LRRC4C: variants seen among roughly 807,000 people sequenced by gnomAD.
The protein encoded by LRRC4C is leucine-rich repeat-containing protein 4C.
LRRC4C carries 5 observed loss-of-function variants against 33.6 expected under a neutral mutation model. The observed-to-expected ratio is 0.15, with a 90% CI of 0.08 to 0.31. The LOEUF (loss-of-function observed/expected upper bound fraction) is 0.31. Ranked by LOEUF, LRRC4C falls within the 10% of genes least tolerant of loss-of-function variation. The probability of loss-of-function intolerance (pLI) is 1.00; values close to 1 mark genes in which losing one functional copy is unlikely to be tolerated. For synonymous variants in LRRC4C, 329 were observed against 302.0 expected (o/e 1.09, Z -0.93); for missense variants, 560 against 796.7 (o/e 0.70, Z 3.58).
At chr11:41,151,340 T>C (rs1190919688) in intron 1 of LRRC4C, among the ~76,000 whole-genome samples, 32 of 152,082 alleles carry the variant, frequency 2.1e-4, no homozygotes, top group Non-Finnish European at 5.9e-5. Context: ...AGGCATGCAG[T>C]TTTTAGGTGG....
At chr11:41,299,234 C>T (rs1950221856) in intron 1 of LRRC4C, among the ~76,000 whole-genome samples, 1 of 152,024 alleles carries the variant, frequency 6.6e-6, no homozygotes, top group Non-Finnish European at 1.5e-5. Context: ...TTTTTATTCT[C>T]TCAGAACCAC....
chr11:40,191,180 A>G (rs1458990389), intron 5 of LRRC4C, among the ~76,000 whole-genome samples: 1 of 152,180 alleles, frequency 6.6e-6, no homozygotes, highest in African/African-American at 2.4e-5. Context: ...ATCTGAACCT[A>G]GGTTAATGTG....
At chr11:41,390,720 G>C (rs897654848) in intron 1 of LRRC4C, among the ~76,000 whole-genome samples, 1 of 151,782 alleles carries the variant, frequency 6.6e-6, no homozygotes, top group Non-Finnish European at 1.5e-5. Context: ...GTGTTTGCAT[G>C]CTTGCACTTC....
intron 5 of LRRC4C, among the ~76,000 whole-genome samples, chr11:40,165,090 C>T (rs1213298763): frequency 6.6e-6 from 1 of 152,154 alleles, no homozygotes; most frequent in East Asian, 1.9e-4. Context: ...ACTTAATTAT[C>T]TTGACAAAAG....
chr11:40,771,914 A>T (rs1949772138), intron 2 of LRRC4C, among the ~76,000 whole-genome samples: 1 of 152,098 alleles, frequency 6.6e-6, no homozygotes, highest in Non-Finnish European at 1.5e-5. Flanking sequence ...CTCTAAGTCC[A>T]AAGGGAGTTC....
At chr11:40,388,494 A>C (rs1949205176) in intron 3 of LRRC4C, among the ~76,000 whole-genome samples, 1 of 152,120 alleles carries the variant, frequency 6.6e-6, no homozygotes, top group African/African-American at 2.4e-5. Context: ...CAAACCTTAC[A>C]AACTCTCATT....
At chr11:41,441,136 A>C (rs946777426) in intron 1 of LRRC4C, among the ~76,000 whole-genome samples, 1 of 152,214 alleles carries the variant, frequency 6.6e-6, no homozygotes, top group Non-Finnish European at 1.5e-5. Context: ...ATAGAAATTT[A>C]GACCTATATC....
At chr11:40,901,068 C>G (rs1425962634) in intron 2 of LRRC4C, among the ~76,000 whole-genome samples, 1 of 151,982 alleles carries the variant, frequency 6.6e-6, no homozygotes, top group East Asian at 1.9e-4. Context: ...AATTCCTTTT[C>G]TTTTATGTAA....
chr11:40,671,740 C>G (rs959546161), intron 2 of LRRC4C, among the ~76,000 whole-genome samples: 1 of 150,600 alleles, frequency 6.6e-6, no homozygotes, highest in Admixed American at 6.7e-5. Context: ...ATAATTATCT[C>G]AAATAACCCT....
intron 1 of LRRC4C, among the ~76,000 whole-genome samples, chr11:40,937,241 A>G (rs1957943055): frequency 6.6e-6 from 1 of 151,202 alleles, no homozygotes; most frequent in Admixed American, 6.6e-5. Flanking sequence ...GAATGTTCTC[A>G]CTTACAAGTG....
At chr11:41,164,223 T>C (rs1944619074) in intron 1 of LRRC4C, among the ~76,000 whole-genome samples, 1 of 150,170 alleles carries the variant, frequency 6.7e-6, no homozygotes. Context: ...AATTTTTTCT[T>C]AACTAAGACA....
At chr11:40,237,273 C>A (rs780243984) in intron 5 of LRRC4C, among the ~76,000 whole-genome samples, 9 of 152,152 alleles carry the variant, frequency 5.9e-5, no homozygotes, top group African/African-American at 1.2e-4. Context: ...CTTTCTTCTG[C>A]CTTTTACCTA....
intron 2 of LRRC4C, among the ~76,000 whole-genome samples, chr11:40,673,992 C>T (rs931646497): frequency 2.6e-5 from 4 of 152,162 alleles, no homozygotes; most frequent in African/African-American, 9.6e-5. Flanking sequence ...CAGCAGTTAC[C>T]TCAATGCTCA....
chr11:41,214,349 T>A (rs1235022363), intron 1 of LRRC4C, among the ~76,000 whole-genome samples: 1 of 151,922 alleles, frequency 6.6e-6, no homozygotes, highest in Non-Finnish European at 1.5e-5. Context: ...CAGATGTGTG[T>A]CAATGGCCAC....
chr11:40,516,073 AT>A (rs972076153), intron 3 of LRRC4C, among the ~76,000 whole-genome samples: 7 of 151,798 alleles, frequency 4.6e-5, no homozygotes, highest in East Asian at 1.9e-4. Flanking sequence ...TGGGGGAAAT[AT>A]TTTTTTTCTT....
intron 3 of LRRC4C, among the ~76,000 whole-genome samples, chr11:40,604,199 A>G (rs1456927318): frequency 6.6e-6 from 1 of 152,142 alleles, no homozygotes; most frequent in East Asian, 1.9e-4. Flanking sequence ...AAACATAAAT[A>G]TTGCCTAAAA....
intron 1 of LRRC4C, among the ~76,000 whole-genome samples, chr11:41,162,631 G>C (rs1031539452): frequency 6.6e-6 from 1 of 152,096 alleles, no homozygotes; most frequent in Non-Finnish European, 1.5e-5. Flanking sequence ...TAACACAATG[G>C]CAATTATTTG....
intron 1 of LRRC4C, among the ~76,000 whole-genome samples, chr11:41,261,409 T>G (rs1263879237): frequency 1.3e-5 from 2 of 152,094 alleles, no homozygotes; most frequent in African/African-American, 2.4e-5. Flanking sequence ...GTCTCTGAAC[T>G]GGGTGACATT....
intron 1 of LRRC4C, among the ~76,000 whole-genome samples, chr11:40,965,004 C>T (rs1851242053): frequency 6.6e-6 from 1 of 152,066 alleles, no homozygotes; most frequent in Non-Finnish European, 1.5e-5. Flanking sequence ...AAAATTGTTC[C>T]TATTTCTCCA....
Sources: gnomAD v4.1 joint callset for allele counts (sites outside exome capture counted in the v4.1 genomes callset) on GRCh38, gnomAD v4.1.1 for gene constraint, MANE v1.5 for transcripts, NCBI Gene and HGNC (gene_info 2026-07-23, HGNC 2026-07-21) for gene names.